The following DAW1 variants were observed in gnomAD, a reference collection of about 807,000 sequenced individuals.
DAW1 encodes the protein dynein assembly factor with WD repeats 1.
In DAW1, 47 loss-of-function variants were observed where a neutral mutation model predicts 56.5. That is an observed-to-expected ratio of 0.83 (90% CI 0.66 to 1.06). The LOEUF is 1.06. DAW1 is among the 50% of genes least tolerant of loss of function. The pLI is 0.00. For synonymous variants in DAW1, 190 were observed against 179.0 expected, an observed-to-expected ratio of 1.06 and a Z score of -0.49; for missense variants, 505 against 499.3, an observed-to-expected ratio of 1.01 and a Z score of -0.11.
chr2:227,902,830 A>G (rs948641885), intron 6 of DAW1, among the ~76,000 whole-genome samples, 172 bp from the exon 7 acceptor site: 1 of 152,152 alleles, frequency 6.6e-6, no homozygotes, highest in Non-Finnish European at 1.5e-5. Context: ...TCTTTTCAAG[A>G]GGAGGACTCT....
At position 227,907,239 on chromosome 2, in the gene DAW1, T is replaced by G. The variant is rs1442997951; in HGVS notation, c.960T>G (p.Thr320=). The G allele has an allele frequency of 1.2e-6, 2 of 1,612,804 alleles. No homozygotes were observed. Among genetic ancestry groups the G allele is most frequent in the South Asian group, 2.2e-5 (2 of 90,824 alleles). ...ATTACACTGGAAAGCTTATTGCAAC[T>G]GCTTCAGCTGATGGTAGGTGATCTG... The part of the protein sequence containing the change: ...CFDYTGKLIA[T]ASADGTARIF... Residue 320 remains threonine, a synonymous_variant, in exon 10 of 13, where the codon ACT becomes ACG. Transcript: ENST00000309931.
chr2:227,903,206 G>C, intron 7 of DAW1, 97 bp downstream of exon 7: 1 of 1,292,326 alleles, frequency 7.7e-7, no homozygotes, highest in Non-Finnish European at 1.1e-6. Context: ...TTGAGTTGCT[G>C]GTTTTCAAAT....
At chr2:227,879,174 T>G (rs1360270736) in intron 1 of DAW1, among the ~76,000 whole-genome samples, 1 of 152,220 alleles carries the variant, frequency 6.6e-6, no homozygotes, top group Non-Finnish European at 1.5e-5. Flanking sequence ...CCCCTGAAGA[T>G]GCGGTCATGC....
chr2:227,922,690 T>C (rs751620837), intron 12 of DAW1, among the ~76,000 whole-genome samples: 1 of 152,194 alleles, frequency 6.6e-6, no homozygotes, highest in Non-Finnish European at 1.5e-5. Context: ...CCTTACCACC[T>C]AAAATGCCTC....
chr2:227,923,609 T>A (rs889004703), intron 12 of DAW1, among the ~76,000 whole-genome samples: 3 of 152,072 alleles, frequency 2.0e-5, no homozygotes, highest in Admixed American at 1.3e-4. Context: ...TGGGTGGTGA[T>A]GTTTGAGGGG....
chr2:227,914,115 G>A (rs1273105970), intron 10 of DAW1, among the ~76,000 whole-genome samples: 1 of 151,850 alleles, frequency 6.6e-6, no homozygotes, highest in Non-Finnish European at 1.5e-5. Context: ...TCACATCTGT[G>A]TCTACCTCAT....
At chr2:227,887,790 A>G (rs1241715120) in intron 2 of DAW1, 2 of 152,214 alleles carry the variant, frequency 1.3e-5, no homozygotes, top group Non-Finnish European at 2.9e-5. Flanking sequence ...GAGAAAGTAA[A>G]TAAATGTCTC....
chr2:227,881,165 G>A (rs139306547), intron 1 of DAW1, among the ~76,000 whole-genome samples: 1 of 152,338 alleles, frequency 6.6e-6, no homozygotes, highest in East Asian at 1.9e-4. Context: ...CGTGCTGTAA[G>A]GACAGAGAAT....
rs1553604208 is a variant in DAW1, at chr2:227,918,183, C to CCATCCATCCAT, written c.974-595_974-585dup. 2.6e-3 allele frequency among the ~76,000 whole-genome samples: 280 copies of CCATCCATCCAT among 108,086 alleles called. 5 individuals are homozygous for CCATCCATCCAT. Among genetic ancestry groups the CCATCCATCCAT allele is most frequent in the Non-Finnish European group, 1.7e-3 (79 of 47,402 alleles). 70.9% of individuals were successfully genotyped at this position (108,086 alleles called of 152,430 possible). A position where few individuals can be genotyped will look rare whatever the true frequency, so the allele number is the denominator to read the frequency against. ...ATCCATCCATCCATCATCCATCCAT[C>CCATCCATCCAT]CATCCATCCATCCATCCATCCATCC... On this transcript the variant is annotated intron_variant, in intron 10 of 12. Coordinates refer to ENST00000309931, the MANE Select transcript of DAW1 (RefSeq NM_178821.3).
chr2:227,901,873 C>T (rs766821140), intron 6 of DAW1, among the ~76,000 whole-genome samples: 4 of 152,102 alleles, frequency 2.6e-5, no homozygotes, highest in Admixed American at 6.5e-5. Context: ...ATCTAGTCTA[C>T]AGGGAAGGAA....
intron 1 of DAW1, 44 bp downstream of exon 1, chr2:227,871,773 G>A (rs1282392421): frequency 1.2e-6 from 2 of 1,611,760 alleles, no homozygotes; most frequent in African/African-American, 1.3e-5. Flanking sequence ...GGGACCCTGG[G>A]CTCCCAGACT....
intron 10 of DAW1, 50 bp downstream of exon 10, chr2:227,907,302 T>C: frequency 6.8e-7 from 1 of 1,460,760 alleles, no homozygotes; most frequent in Non-Finnish European, 9.5e-7. Context: ...TATGCTTTGC[T>C]TGATAACCAT....
At position 227,898,172 on chromosome 2, in the gene DAW1, T is replaced by G; in HGVS notation, c.441-10T>G. On this transcript the variant is annotated splice_polypyrimidine_tract_variant and intron_variant, in intron 5 of 12. Transcript: ENST00000309931. Reference sequence around the variant, plus strand: ...TTTTTTAAATAATCTACATTTCTTTTAAATCTTAGTGACAAAATCGCCACT... The same window carrying G: ...TTTTTTAAATAATCTACATTTCTTTGAAATCTTAGTGACAAAATCGCCACT... 2.0e-6 allele frequency: 3 copies of G among 1,538,314 alleles called. No individual in the cohort carries two copies. Among genetic ancestry groups the G allele is most frequent in the South Asian group, 2.6e-5 (2 of 75,936 alleles).
At position 227,909,271 on chromosome 2, in the gene DAW1, T is replaced by TCTATCTAC. The variant is rs1302817041; in HGVS notation, c.973+2021_973+2022insATCTACCT. 9.1e-4 allele frequency among the ~76,000 whole-genome samples: 59 copies of TCTATCTAC among 65,178 alleles called. 1 individual carries two copies. Among genetic ancestry groups the TCTATCTAC allele is most frequent in the African/African-American group, 2.0e-4 (3 of 14,736 alleles). The allele number at this position is 65,178 out of a possible 152,430, so 42.8% of individuals were successfully genotyped here. ...ATCTATCTATCTATCTATCTATCTA[T>TCTATCTAC]CTGTCTGTCTGTCTGTCTCCTATTG... On this transcript the variant is annotated intron_variant, in intron 10 of 12. Transcript: ENST00000309931.
chr2:227,901,313 G>A (rs1574660346), intron 6 of DAW1, among the ~76,000 whole-genome samples: 2 of 152,016 alleles, frequency 1.3e-5, no homozygotes, highest in East Asian at 1.9e-4. Context: ...AGAGGAGCAG[G>A]TTTGCATCTA....
intron 4 of DAW1, among the ~76,000 whole-genome samples, 179 bp from the exon 5 acceptor site, chr2:227,893,616 G>A (rs956733366): frequency 6.6e-6 from 1 of 151,980 alleles, no homozygotes; most frequent in African/African-American, 2.4e-5. Flanking sequence ...AGGTTGCAGT[G>A]CGCCGAGATC....
chr2:227,885,135 G>T (rs1213732276), intron 1 of DAW1, among the ~76,000 whole-genome samples: 1 of 151,980 alleles, frequency 6.6e-6, no homozygotes, highest in Non-Finnish European at 1.5e-5. Context: ...TTGTCTATTG[G>T]ACAATTTCAA....
intron 10 of DAW1, among the ~76,000 whole-genome samples, chr2:227,910,520 ACACACC>A (rs1691790096): frequency 6.6e-6 from 1 of 151,722 alleles, no homozygotes; most frequent in African/African-American, 2.4e-5. Flanking sequence ...ACACACACAC[ACACACC>A]CCTCATATTC....
intron 10 of DAW1, among the ~76,000 whole-genome samples, chr2:227,917,806 G>A (rs575782171): frequency 6.6e-6 from 1 of 151,970 alleles, no homozygotes; most frequent in African/African-American, 2.4e-5. Flanking sequence ...TTCTAAAATG[G>A]CAGGTTTTGT....
Sources: allele counts gnomAD v4.1 joint callset (sites outside exome capture counted in the v4.1 genomes callset), GRCh38; gene constraint gnomAD v4.1.1; transcripts MANE v1.5; gene names NCBI Gene and HGNC (gene_info 2026-07-23, HGNC 2026-07-21).